ANKRD26: variants seen among roughly 807,000 people sequenced by gnomAD.
ANKRD26 encodes ankyrin repeat domain-containing protein 26.
ANKRD26 carries 141 observed loss-of-function variants against 208.7 expected under a neutral mutation model. The ratio of observed to expected loss-of-function variants is 0.68; its 90% CI spans 0.59 to 0.78. The LOEUF is 0.78. Ranked by LOEUF, ANKRD26 falls within the 30% of genes least tolerant of loss-of-function variation. The pLI, the probability that ANKRD26 is intolerant of heterozygous loss-of-function variation, is 0.00. For synonymous variants in ANKRD26, 636 were observed against 660.4 expected (o/e 0.96, Z 0.57); for missense variants, 1,889 against 1,938.7 (o/e 0.97, Z 0.48).
At chr10:27,046,817 A>G (rs16927510) in intron 17 of ANKRD26, among the ~76,000 whole-genome samples, 2 of 152,166 alleles carry the variant, frequency 1.3e-5, no homozygotes, top group East Asian at 3.8e-4. Flanking sequence ...TGTGATATGT[A>G]AGGTTGATAT....
At chr10:27,086,761 C>CTTTTTTTTTTTTTTTTTT (rs1255812481) in intron 4 of ANKRD26, 152 bp from the exon 5 acceptor site, 1 of 376,062 alleles carries the variant, frequency 2.7e-6, no homozygotes, top group African/African-American at 2.9e-5. Context: ...GCTCTACAAA[C>CTTTTTTTTTTTTTTTTTT]TTTTTTGTTT....
In ANKRD26 at chr10:27,100,240, C is replaced by T. The variant is rs1343946766; in HGVS notation, c.87G>A (p.Glu29=). The part of the protein sequence containing the change: ...RQRSSAGGGG[E]PGEGAYSQPG... ...GCTGCGAGTAGGCGCCCTCCCCCGG[C>T]TCGCCCCCGCCTCCCGCGCTGCTCC... is the stretch of plus-strand genomic sequence containing the variant. The change falls in exon 1 of 34, where the codon GAG becomes GAA. Residue 29 remains glutamate, a synonymous_variant. Transcript: ENST00000376087. The T allele has an allele frequency of 6.2e-7, 1 of 1,611,858 alleles. No homozygotes were observed. The highest frequency in any genetic ancestry group is 8.5e-7 in the Non-Finnish European group (1 of 1,179,576).
intron 27 of ANKRD26, among the ~76,000 whole-genome samples, chr10:27,026,011 T>C (rs148158279): frequency 1.4e-4 from 21 of 152,360 alleles, no homozygotes; most frequent in African/African-American, 5.0e-4. Flanking sequence ...ACCCTTAGGA[T>C]GTTGACCAGC....
the ANKRD26 span, among the ~76,000 whole-genome samples, chr10:26,962,223 A>G: frequency 6.6e-6 from 1 of 152,108 alleles, no homozygotes; most frequent in Non-Finnish European, 1.5e-5. Context: ...TGAGCCCAGG[A>G]GCTTGAGATC....
intron 27 of ANKRD26, among the ~76,000 whole-genome samples, chr10:27,025,503 A>G (rs2053632365): frequency 6.6e-6 from 1 of 152,112 alleles, no homozygotes; most frequent in Admixed American, 6.6e-5. Flanking sequence ...GGTCTCATCT[A>G]GAGATCTACT....
At chr10:26,970,819 A>T (rs2052131925), downstream of ANKRD26, among the ~76,000 whole-genome samples, 1 of 152,238 alleles carries the variant, frequency 6.6e-6, no homozygotes, top group South Asian at 2.1e-4. Flanking sequence ...GAGCCAGCAC[A>T]TTTGCTTACT....
intron 24 of ANKRD26, among the ~76,000 whole-genome samples, chr10:27,034,260 A>G (rs577396231): frequency 6.6e-6 from 1 of 152,390 alleles, no homozygotes; most frequent in Admixed American, 6.5e-5. Flanking sequence ...TAGACAAGTC[A>G]AATTGACAAG....
At chr10:27,082,661 T>C (rs2055965521) in intron 6 of ANKRD26, 142 bp downstream of exon 6, 1 of 1,243,926 alleles carries the variant, frequency 8.0e-7, no homozygotes, top group Admixed American at 2.9e-5. Context: ...TGGGTTGTAA[T>C]ATAGCACAGA....
chr10:27,087,218 T>C (rs901814457), intron 4 of ANKRD26, among the ~76,000 whole-genome samples: 1 of 152,232 alleles, frequency 6.6e-6, no homozygotes, highest in African/African-American at 2.4e-5. Flanking sequence ...CCTGGCTCTG[T>C]AACCAACAGC....
At chr10:27,075,220 T>C (rs1435940083) in intron 9 of ANKRD26, among the ~76,000 whole-genome samples, 1 of 152,182 alleles carries the variant, frequency 6.6e-6, no homozygotes, top group Admixed American at 6.5e-5. Flanking sequence ...ACACAATGAC[T>C]GGAACAGTAC....
intron 16 of ANKRD26, chr10:27,051,393 C>A: frequency 8.3e-7 from 1 of 1,200,170 alleles, no homozygotes; most frequent in South Asian, 1.6e-5. Flanking sequence ...ATCAAAAGGT[C>A]TTTTTGGATC....
At position 27,004,961 on chromosome 10, in the gene ANKRD26, T is replaced by TC; in HGVS notation, c.*628_*629insG. 1.2e-6 allele frequency: 1 copy of TC among 845,050 alleles called. No individual in the cohort carries two copies. The highest frequency in any genetic ancestry group is 1.4e-6 in the Non-Finnish European group (1 of 701,962). 52.3% of individuals were successfully genotyped at this position (845,050 alleles called of 1,614,324 possible). Reference sequence around the variant, plus strand: ...TGCCCACTAAAGTAATCAGGGGTGATGACATAATGTCAGCAATTTACTCTC... The same window carrying TC: ...TGCCCACTAAAGTAATCAGGGGTGATCGACATAATGTCAGCAATTTACTCTC... On this transcript the variant is annotated 3_prime_UTR_variant, in exon 34 of 34. Transcript: ENST00000376087.
chr10:27,022,578 T>C lies in ANKRD26; in HGVS notation c.4195A>G (p.Ile1399Val), dbSNP rs1436452749. The C allele has an allele frequency of 6.5e-7, 1 of 1,537,892 alleles. No homozygotes were observed. The highest frequency in any genetic ancestry group is 8.9e-7 in the Non-Finnish European group (1 of 1,117,992). The part of the protein sequence containing the change: ...KTSQFEMDIQ[I>V]NKLKHKIDDL... ...ATTACCTTATGTTTTAGCTTATTAA[T>C]CTGAATATCCATTTCAAATTGACTA... Residue 1399 changes from isoleucine to valine, a missense_variant, in exon 29 of 34, where the codon ATT becomes GTT. By Grantham distance (29) the Ile-to-Val change is conservative. This residue lies in a region of ANKRD26 where 613 missense variants were observed against 648.2 expected (regional missense o/e 0.95). Coordinates refer to ENST00000376087, the MANE Select transcript of ANKRD26 (RefSeq NM_014915.3).
chr10:26,987,144 G>C (rs577863180), downstream of ANKRD26, among the ~76,000 whole-genome samples: 702 of 152,204 alleles, frequency 4.6e-3, 5 homozygotes, highest in African/African-American at 0.016. Context: ...CATGGATGAA[G>C]CTGGAAACCA....
At chr10:27,053,466 G>C in intron 15 of ANKRD26, 76 bp from the exon 16 acceptor site, 3 of 950,150 alleles carry the variant, frequency 3.2e-6, no homozygotes, top group Non-Finnish European at 4.8e-6. Flanking sequence ...TACAGAAATA[G>C]AAAATAATAT....
Position 27,040,026 on chromosome 10 carries a change from C to T in ANKRD26, c.2314G>A (p.Glu772Lys), listed in dbSNP as rs568696333. Reference sequence around the variant, plus strand: ...TGATGCTCTAACTGTGATTTTATTTCTTTTGTTTCAGATAGCTCCCTTTGT... The same window carrying T: ...TGATGCTCTAACTGTGATTTTATTTTTTTTGTTTCAGATAGCTCCCTTTGT... ...VLQRELSETK[E>K]IKSQLEHQKV... Residue 772 changes from glutamate (E) to lysine (K), a missense_variant, in exon 21 of 34, where the codon GAA becomes AAA. Transcript: ENST00000376087. 7.9e-5 allele frequency: 128 copies of T among 1,613,728 alleles called. 1 individual carries two copies. The South Asian group carries it at 1.4e-3, about 17-fold the overall frequency.
At chr10:27,024,641 T>A (rs2135061082) in intron 27 of ANKRD26, 82 bp from the exon 28 acceptor site, 2 of 773,044 alleles carry the variant, frequency 2.6e-6, no homozygotes, top group Non-Finnish European at 4.4e-6. Context: ...TATGAGTTCA[T>A]GAGTAACATA....
intron 27 of ANKRD26, among the ~76,000 whole-genome samples, chr10:27,024,830 A>G (rs1282430637): frequency 6.6e-6 from 1 of 152,202 alleles, no homozygotes; most frequent in African/African-American, 2.4e-5. Flanking sequence ...CTTTTTAAAA[A>G]GTTATTTTAG....
the ANKRD26 span, among the ~76,000 whole-genome samples, chr10:26,953,728 T>C: frequency 6.6e-6 from 1 of 152,338 alleles, no homozygotes; most frequent in South Asian, 2.1e-4. Context: ...AAGGGGTTAG[T>C]ATGCTTTTGG....
Sources: gnomAD v4.1 joint callset for allele counts (sites outside exome capture counted in the v4.1 genomes callset) on GRCh38, gnomAD v4.1.1 for gene constraint, gnomAD v4.1.1 regional missense constraint, MANE v1.5 for transcripts, NCBI Gene and HGNC (gene_info 2026-07-23, HGNC 2026-07-21) for gene names.